SRD5A3: variants seen among roughly 807,000 people sequenced by gnomAD.
The protein encoded by SRD5A3 is polyprenal reductase.
Under a neutral mutation model 34.3 loss-of-function variants are expected in SRD5A3, and 24 were observed. That is an observed-to-expected ratio of 0.70 (90% CI 0.51 to 0.99). The LOEUF (loss-of-function observed/expected upper bound fraction) is 0.99, where lower values mean the gene tolerates loss of function less well. Ranked by LOEUF, SRD5A3 falls within the 50% of genes least tolerant of loss-of-function variation. The pLI, the probability that SRD5A3 is intolerant of heterozygous loss-of-function variation, is 0.00. For missense variants in SRD5A3, 350 were observed against 388.2 expected, an observed-to-expected ratio of 0.90 and a Z score of 0.83; for synonymous variants, 161 against 167.3, an observed-to-expected ratio of 0.96 and a Z score of 0.29.
In SRD5A3 at chr4:55,372,923, C is replaced by T. The variant is rs1302087221; in HGVS notation, c.*2832C>T. 1 of 121,756 alleles carries T rather than the reference C, an allele frequency of 8.2e-6. No individual in the cohort carries two copies. The highest frequency in any genetic ancestry group is 3.7e-4 in the South Asian group (1 of 2,668). 7.5% of individuals were successfully genotyped at this position (121,756 alleles called of 1,614,324 possible). On this transcript the variant is annotated 3_prime_UTR_variant, in exon 5 of 5. Transcript: ENST00000264228. ...TTTTTACTTCAATGAGTGGTTATTG[C>T]TAGAATTCCTACAAAAAAAAAAAAA...
chr4:55,368,461 G>A (rs1206912508), intron 4 of SRD5A3, among the ~76,000 whole-genome samples: 2 of 148,514 alleles, frequency 1.3e-5, no homozygotes, highest in Non-Finnish European at 3.0e-5. Flanking sequence ...GTCTTGCTCT[G>A]TTACCCAAGC....
rs74364952 is a variant in SRD5A3, at chr4:55,352,251, G to A, written c.221+5694G>A. On this transcript the variant is annotated intron_variant, in intron 1 of 4. Coordinates refer to ENST00000264228, the MANE Select transcript of SRD5A3 (RefSeq NM_024592.5). ...TGTATTATATTGGAAAAATAAGCAG[G>A]TAGGGTGTTGGGGAATTTCTCTTTC... is the stretch of plus-strand genomic sequence containing the variant. 3.0e-3 allele frequency: 2,787 copies of A among 916,558 alleles called. 51 individuals carry two copies. In the African/African-American group the frequency reaches 0.039, roughly 13 times the overall value. 56.8% of individuals were successfully genotyped at this position (916,558 alleles called of 1,614,324 possible).
chr4:55,359,592 C>A, intron 2 of SRD5A3, 104 bp downstream of exon 2: 1 of 1,484,218 alleles, frequency 6.7e-7, no homozygotes, highest in East Asian at 2.3e-5. Flanking sequence ...GGCACCTCCT[C>A]AGAAGGGCCT....
chr4:55,356,704 A>G (rs200604521), intron 1 of SRD5A3, among the ~76,000 whole-genome samples: 6 of 96,274 alleles, frequency 6.2e-5, no homozygotes, highest in African/African-American at 2.1e-4. Context: ...GGGATTTTTT[A>G]TTTATTTATT....
rs1164669752 is a variant in SRD5A3, at chr4:55,364,164, T to A, written c.455T>A (p.Val152Asp). Residue 152 changes from valine (V) to aspartate (D), a missense_variant, in exon 3 of 5, where the codon GTC (valine) becomes GAC (aspartate). This residue lies in a region of SRD5A3 where 186 missense variants were observed against 221.4 expected (regional missense o/e 0.84). Coordinates refer to ENST00000264228, the MANE Select transcript of SRD5A3 (RefSeq NM_024592.5). ...CTCTTCGAGTGCCTCTACGTCAGTGTCTTCTCCAATGTCATGATTCACGTC... is the reference window on the plus strand; with the variant it reads ...CTCTTCGAGTGCCTCTACGTCAGTGACTTCTCCAATGTCATGATTCACGTC... ...RRLFECLYVS[V>D]FSNVMIHVVQ... is the part of the protein sequence containing the mutation. 1 of 1,614,200 alleles carries A rather than the reference T, an allele frequency of 6.2e-7. No homozygotes were observed. The highest frequency in any genetic ancestry group is 1.3e-5 in the African/African-American group (1 of 75,034).
intron 1 of SRD5A3, among the ~76,000 whole-genome samples, chr4:55,349,027 G>A (rs192111721): frequency 1.3e-5 from 2 of 152,108 alleles, no homozygotes; most frequent in African/African-American, 2.4e-5. Context: ...GCAAAATCTA[G>A]TAGTACTCTT....
intron 1 of SRD5A3, among the ~76,000 whole-genome samples, chr4:55,354,448 G>C (rs1050143081): frequency 2.0e-5 from 3 of 152,138 alleles, no homozygotes; most frequent in African/African-American, 7.2e-5. Context: ...CCAAACCATA[G>C]AGTAGCTTCT....
chr4:55,350,783 G>C (rs1183097868), intron 1 of SRD5A3, among the ~76,000 whole-genome samples: 1 of 67,036 alleles, frequency 1.5e-5, no homozygotes, highest in South Asian at 5.0e-4. Context: ...TTTTTTTTTT[G>C]AGACAGTCTT....
At chr4:55,356,515 C>T (rs539228328) in intron 1 of SRD5A3, among the ~76,000 whole-genome samples, 6 of 151,830 alleles carry the variant, frequency 4.0e-5, no homozygotes, top group East Asian at 3.9e-4. Flanking sequence ...GACAGAATCT[C>T]GCTTTGTCAC....
intron 3 of SRD5A3, 76 bp downstream of exon 3, chr4:55,364,347 A>T (rs759010475): frequency 1.3e-6 from 2 of 1,495,906 alleles, no homozygotes; most frequent in Non-Finnish European, 1.9e-6. Context: ...TGCTGTGCTA[A>T]GCATTATGAG....
At position 55,364,163 on chromosome 4, in the gene SRD5A3, G is replaced by A. The variant is rs777020995; in HGVS notation, c.454G>A (p.Val152Ile). 1.2e-6 allele frequency: 2 copies of A among 1,614,154 alleles called. No homozygotes were observed. The highest frequency in any genetic ancestry group is 1.7e-6 in the Non-Finnish European group (2 of 1,180,034). Reference protein sequence around the residue: ...RRLFECLYVSVFSNVMIHVVQ... With the variant: ...RRLFECLYVSIFSNVMIHVVQ... Reference sequence around the variant, plus strand: ...ACTCTTCGAGTGCCTCTACGTCAGTGTCTTCTCCAATGTCATGATTCACGT... The same window carrying A: ...ACTCTTCGAGTGCCTCTACGTCAGTATCTTCTCCAATGTCATGATTCACGT... The change falls in exon 3 of 5, where the codon GTC (valine) becomes ATC (isoleucine). Residue 152 changes from valine to isoleucine, a missense_variant. Physicochemically the swap from Val to Ile is conservative, Grantham distance 29. This residue lies in a region of SRD5A3 where 186 missense variants were observed against 221.4 expected (regional missense o/e 0.84). Transcript: ENST00000264228.
At chr4:55,361,310 C>T (rs183460702) in intron 2 of SRD5A3, among the ~76,000 whole-genome samples, 2 of 151,950 alleles carry the variant, frequency 1.3e-5, no homozygotes, top group African/African-American at 2.4e-5. Context: ...GGTGAAATCC[C>T]GTTTTTACTA....
chr4:55,350,410 T>TTTTTTAGTA (rs1156744574), intron 1 of SRD5A3, among the ~76,000 whole-genome samples: 117 of 152,252 alleles, frequency 7.7e-4, no homozygotes, highest in Admixed American at 7.7e-3. Flanking sequence ...TGCAAATTTG[T>TTTTTTAGTA]TTTTTAGTAG....
intron 3 of SRD5A3, chr4:55,367,189 A>C (rs1369078584): frequency 3.9e-6 from 1 of 256,898 alleles, no homozygotes; most frequent in African/African-American, 2.2e-5. Flanking sequence ...AAGAAGACTT[A>C]AAACTGGACT....
At chr4:55,352,428 G>A (rs1227664981) in intron 1 of SRD5A3, 3 of 743,266 alleles carry the variant, frequency 4.0e-6, no homozygotes, top group Admixed American at 1.8e-5. Context: ...ACACTCCTGT[G>A]CTTGTATAAT....
At chr4:55,368,404 A>ATTTG (rs1719988305) in intron 4 of SRD5A3, among the ~76,000 whole-genome samples, 1 of 78,958 alleles carries the variant, frequency 1.3e-5, no homozygotes, top group African/African-American at 4.2e-5. Context: ...AGTTTTATTT[A>ATTTG]TTTATTTATT....
At position 55,353,415 on chromosome 4, in the gene SRD5A3, C is replaced by T. The variant is rs569619995; in HGVS notation, c.222-5931C>T. ...CAGCACTTGGTAAAAACGGACCAAT[C>T]AGCACTCTGTAAAATGGACCAATCA... On this transcript the variant is annotated intron_variant, in intron 1 of 4. Transcript: ENST00000264228. 2.6e-5 allele frequency among the ~76,000 whole-genome samples: 4 copies of T among 152,264 alleles called. No homozygotes were observed. The South Asian group carries it at 8.3e-4, about 32-fold the overall frequency.
intron 1 of SRD5A3, among the ~76,000 whole-genome samples, chr4:55,350,760 A>ATTT (rs71194541): frequency 7.3e-5 from 7 of 95,400 alleles, no homozygotes; most frequent in Non-Finnish European, 1.5e-4. Context: ...CCATCATTAA[A>ATTT]TTTTTTTTTT....
chr4:55,363,884 T>C (rs1316668106), intron 2 of SRD5A3, 190 bp from the exon 3 acceptor site: 2 of 639,292 alleles, frequency 3.1e-6, no homozygotes, highest in Admixed American at 2.4e-5. Context: ...CCCAGTGAAC[T>C]GTGTAACACA....
Sources: gnomAD v4.1 joint callset for allele counts (sites outside exome capture counted in the v4.1 genomes callset) on GRCh38, gnomAD v4.1.1 for gene constraint, gnomAD v4.1.1 regional missense constraint, MANE v1.5 for transcripts, NCBI Gene and HGNC (gene_info 2026-07-23, HGNC 2026-07-21) for gene names.